ATP10B: variants seen among roughly 807,000 people sequenced by gnomAD.
ATP10B encodes the protein ATPase phospholipid transporting 10B (putative), also known as phospholipid-transporting ATPase VB.
A neutral mutation model predicts 141.2 loss-of-function variants in ATP10B; 122 were observed. The ratio of observed to expected loss-of-function variants is 0.86; its 90% CI spans 0.75 to 1.00. The LOEUF (loss-of-function observed/expected upper bound fraction) is 1.00. Ranked by LOEUF, ATP10B falls within the 50% of genes least tolerant of loss-of-function variation. The pLI is 0.00. For missense variants in ATP10B, 1,876 were observed against 1,825.3 expected, an observed-to-expected ratio of 1.03 and a Z score of -0.51; for synonymous variants, 685 against 692.0, an observed-to-expected ratio of 0.99 and a Z score of 0.16.
At chr5:160,593,468 A>T (rs571803264) in intron 22 of ATP10B, among the ~76,000 whole-genome samples, 60 of 152,362 alleles carry the variant, frequency 3.9e-4, no homozygotes, top group African/African-American at 1.4e-3. Context: ...AAGATGGGGA[A>T]AAAACAGAGC....
chr5:160,896,398 A>G, the ATP10B span, among the ~76,000 whole-genome samples: 3 of 152,208 alleles, frequency 2.0e-5, no homozygotes, highest in Non-Finnish European at 4.4e-5. Context: ...AACTACCATC[A>G]GAGAATACTA....
chr5:160,630,199 G>C (rs996952896), intron 13 of ATP10B, among the ~76,000 whole-genome samples: 1 of 152,158 alleles, frequency 6.6e-6, no homozygotes, highest in African/African-American at 2.4e-5. Context: ...AACTTAACTC[G>C]TGTCAATTTC....
intron 1 of ATP10B, among the ~76,000 whole-genome samples, chr5:160,804,020 C>T (rs895718072): frequency 2.6e-5 from 4 of 151,878 alleles, no homozygotes; most frequent in East Asian, 3.9e-4. Flanking sequence ...AGTTACTGTG[C>T]CCTGATGTCC....
chr5:160,921,367 A>ATAACTTT, the ATP10B span, among the ~76,000 whole-genome samples: 1 of 152,038 alleles, frequency 6.6e-6, no homozygotes, highest in African/African-American at 2.4e-5. Flanking sequence ...TAAAATATAT[A>ATAACTTT]TAACTTTTAC....
At position 160,564,161 on chromosome 5, in the gene ATP10B, C is replaced by T. The variant is rs1561604794; in HGVS notation, c.*1292G>A. 1 of 152,170 alleles carries T rather than the reference C, an allele frequency of 6.6e-6. No individual in the cohort carries two copies. The highest frequency in any genetic ancestry group is 2.4e-5 in the African/African-American group (1 of 41,440). 9.4% of individuals were successfully genotyped at this position (152,170 alleles called of 1,614,324 possible). Reference sequence around the variant, plus strand: ...CACACTTATTGCATCTATTTCTGTACTTTTTGCCTACTATATAGGTACTAG... The same window carrying T: ...CACACTTATTGCATCTATTTCTGTATTTTTTGCCTACTATATAGGTACTAG... On this transcript the variant is annotated 3_prime_UTR_variant, in exon 26 of 26. Transcript: ENST00000327245.
chr5:160,634,474 C>A lies in ATP10B; in HGVS notation c.1261G>T (p.Ala421Ser), dbSNP rs1046060906. The stretch of plus-strand genomic sequence containing the variant: ...TACTGGATCTGGCCCAAGTCCTCTG[C>A]GATGTTGAGGGCTCGACATTGAATG... Reference protein sequence around the residue: ...LSIQCRALNIAEDLGQIQYIF... With the variant: ...LSIQCRALNISEDLGQIQYIF... Residue 421 changes from alanine (A) to serine (S), a missense_variant, in exon 12 of 26, where the codon GCA becomes TCA. Transcript: ENST00000327245. 3.1e-6 allele frequency: 5 copies of A among 1,614,000 alleles called. No individual in the cohort carries two copies. The highest frequency in any genetic ancestry group is 2.2e-5 in the South Asian group (2 of 91,076).
At chr5:160,661,928 C>G (rs565090554) in intron 7 of ATP10B, among the ~76,000 whole-genome samples, 2 of 152,202 alleles carry the variant, frequency 1.3e-5, no homozygotes, top group Non-Finnish European at 2.9e-5. Flanking sequence ...TCTCCTTAAG[C>G]TGACAGGCAA....
chr5:160,845,189 T>C (rs1379507538), intron 1 of ATP10B, among the ~76,000 whole-genome samples: 1 of 152,206 alleles, frequency 6.6e-6, no homozygotes, highest in Non-Finnish European at 1.5e-5. Flanking sequence ...CAATTATCAC[T>C]ATGTGACTCT....
At chr5:160,876,396 G>T in the ATP10B span, among the ~76,000 whole-genome samples, 1 of 149,942 alleles carries the variant, frequency 6.7e-6, no homozygotes, top group Non-Finnish European at 1.5e-5. Context: ...GTGTGTAGAG[G>T]GAAATTTATA....
chr5:160,750,005 T>C (rs1425096970), intron 2 of ATP10B, among the ~76,000 whole-genome samples: 2 of 152,194 alleles, frequency 1.3e-5, no homozygotes, highest in Non-Finnish European at 2.9e-5. Flanking sequence ...CCTCCTTCTT[T>C]TACGGGTATG....
At chr5:160,592,673 T>A (rs1014777114) in intron 22 of ATP10B, among the ~76,000 whole-genome samples, 3 of 152,092 alleles carry the variant, frequency 2.0e-5, no homozygotes, top group Non-Finnish European at 4.4e-5. Flanking sequence ...AAGAAAGGGG[T>A]GACAGATGGC....
At chr5:160,814,541 C>A (rs58335269) in intron 1 of ATP10B, among the ~76,000 whole-genome samples, 37,258 of 131,654 alleles carry the variant, frequency 0.28, 6,942 homozygotes, top group East Asian at 0.39. Context: ...GGAGAACGGA[C>A]CCAAGTAGGA....
chr5:160,751,802 C>T (rs1169252726), intron 2 of ATP10B, among the ~76,000 whole-genome samples: 7 of 152,092 alleles, frequency 4.6e-5, no homozygotes, highest in Non-Finnish European at 1.0e-4. Flanking sequence ...GAATGTACAT[C>T]ATGCACATGG....
chr5:160,609,825 T>C (rs940168845), intron 18 of ATP10B, among the ~76,000 whole-genome samples: 3 of 152,212 alleles, frequency 2.0e-5, no homozygotes, highest in African/African-American at 4.8e-5. Context: ...TGTATGCTTA[T>C]ACCAGAGGCA....
At chr5:160,789,795 A>G (rs1234255086) in intron 1 of ATP10B, among the ~76,000 whole-genome samples, 2 of 152,174 alleles carry the variant, frequency 1.3e-5, no homozygotes, top group African/African-American at 4.8e-5. Flanking sequence ...CTAAAGCACA[A>G]GGTTTAACTT....
intron 2 of ATP10B, among the ~76,000 whole-genome samples, chr5:160,758,593 G>A (rs4921159): frequency 0.23 from 35,298 of 152,018 alleles, 4,489 homozygotes; most frequent in Non-Finnish European, 0.28. Flanking sequence ...CCTCTTTCCC[G>A]TACTCTGTCT....
At chr5:160,660,306 A>G (rs1761820796) in intron 7 of ATP10B, among the ~76,000 whole-genome samples, 1 of 152,238 alleles carries the variant, frequency 6.6e-6, no homozygotes, top group Admixed American at 6.5e-5. Flanking sequence ...ACCAAAGACC[A>G]CTAACGTTAT....
intron 1 of ATP10B, among the ~76,000 whole-genome samples, chr5:160,807,566 A>T (rs1772863383): frequency 6.6e-6 from 1 of 152,158 alleles, no homozygotes; most frequent in South Asian, 2.1e-4. Flanking sequence ...ATTAAACACA[A>T]TGTATTAACT....
At chr5:160,717,069 C>G in intron 2 of ATP10B, 35 bp from the exon 3 acceptor site, 1 of 983,560 alleles carries the variant, frequency 1.0e-6, no homozygotes, top group Non-Finnish European at 1.2e-6. Context: ...GAGTAGGCAA[C>G]TAACAGTTCA....
Sources: gnomAD v4.1 joint callset for allele counts (sites outside exome capture counted in the v4.1 genomes callset) on GRCh38, gnomAD v4.1.1 for gene constraint, MANE v1.5 for transcripts, NCBI Gene and HGNC (gene_info 2026-07-23, HGNC 2026-07-21) for gene names.